QTGAL: variants seen among roughly 807,000 people sequenced by gnomAD.
QTGAL encodes BGnT-like protein 1.
the QTGAL span, among the ~76,000 whole-genome samples, chr17:83,034,548 C>G: frequency 6.6e-6 from 1 of 152,140 alleles, no homozygotes; most frequent in South Asian, 2.1e-4. Flanking sequence ...TGTCCCCACC[C>G]AAATCTCATC....
the QTGAL span, among the ~76,000 whole-genome samples, chr17:82,993,006 G>A: frequency 3.3e-5 from 5 of 151,950 alleles, no homozygotes; most frequent in African/African-American, 4.8e-5. Flanking sequence ...AAATCATATT[G>A]CCAGAGAAAA....
At chr17:82,995,037 C>G in the QTGAL span, among the ~76,000 whole-genome samples, 3 of 152,110 alleles carry the variant, frequency 2.0e-5, no homozygotes, top group Admixed American at 6.5e-5. Flanking sequence ...AGGAACATCC[C>G]TTAACATAAT....
chr17:83,009,986 T>C, the QTGAL span, among the ~76,000 whole-genome samples: 1 of 115,762 alleles, frequency 8.6e-6, no homozygotes, highest in Non-Finnish European at 1.8e-5. Context: ...AAGGGAGCTG[T>C]GGAGGCCCCT....
chr17:82,963,440 A>AG, the QTGAL span, among the ~76,000 whole-genome samples: 1 of 152,332 alleles, frequency 6.6e-6, no homozygotes, highest in African/African-American at 2.4e-5. Flanking sequence ...CAGGGACATG[A>AG]AGTCCAGCAG....
the QTGAL span, among the ~76,000 whole-genome samples, chr17:83,020,595 G>A: frequency 6.6e-6 from 1 of 152,232 alleles, no homozygotes; most frequent in Non-Finnish European, 1.5e-5. Flanking sequence ...TGGGGCCTTG[G>A]GGCCCAGCTC....
At chr17:82,961,266 G>A in the QTGAL span, 12 of 1,510,306 alleles carry the variant, frequency 7.9e-6, no homozygotes, top group Admixed American at 6.1e-5. Context: ...GCGCTCAGCC[G>A]GCCAACCAGG....
the QTGAL span, among the ~76,000 whole-genome samples, chr17:82,960,805 G>A: frequency 6.6e-6 from 1 of 152,238 alleles, no homozygotes; most frequent in Non-Finnish European, 1.5e-5. Flanking sequence ...TTTTACCTCT[G>A]GGAACTAGGG....
chr17:83,043,715 G>C, the QTGAL span, among the ~76,000 whole-genome samples: 1 of 152,152 alleles, frequency 6.6e-6, no homozygotes, highest in African/African-American at 2.4e-5. Context: ...TCAACAAAAA[G>C]AGTTGATTCT....
chr17:83,017,726 C>T, the QTGAL span, among the ~76,000 whole-genome samples: 2 of 152,362 alleles, frequency 1.3e-5, no homozygotes, highest in South Asian at 4.1e-4. Context: ...TCATGACACA[C>T]GGTGTGCCTG....
chr17:83,048,452 A>G, the QTGAL span: 5 of 1,573,200 alleles, frequency 3.2e-6, no homozygotes, highest in Non-Finnish European at 3.5e-6. Context: ...AGTTTAATAA[A>G]CTAAGCATGT....
the QTGAL span, chr17:82,961,044 G>A: frequency 5.8e-5 from 93 of 1,603,846 alleles, 1 homozygote; most frequent in African/African-American, 4.3e-4. Flanking sequence ...GGGGCCGGGC[G>A]GGGCTGACTC....
the QTGAL span, among the ~76,000 whole-genome samples, chr17:82,997,391 C>A: frequency 6.6e-6 from 1 of 152,080 alleles, no homozygotes; most frequent in African/African-American, 2.4e-5. Flanking sequence ...ATAACAAATG[C>A]TGGTGAAGAT....
chr17:82,983,172 C>T, the QTGAL span, among the ~76,000 whole-genome samples: 5 of 152,018 alleles, frequency 3.3e-5, no homozygotes, highest in East Asian at 3.9e-4. Context: ...CCCAGCTACT[C>T]GGGAGGCTGG....
At chr17:83,010,695 G>A in the QTGAL span, among the ~76,000 whole-genome samples, 8 of 152,236 alleles carry the variant, frequency 5.3e-5, no homozygotes, top group Non-Finnish European at 1.2e-4. Context: ...AAGTTAACAC[G>A]CAGCTTCTTG....
chr17:83,028,606 C>T, the QTGAL span, among the ~76,000 whole-genome samples: 3 of 151,858 alleles, frequency 2.0e-5, no homozygotes, highest in African/African-American at 4.8e-5. Flanking sequence ...GTGAGACACA[C>T]ATCAGAGCTA....
chr17:83,012,007 T>G, the QTGAL span, among the ~76,000 whole-genome samples: 2 of 118,512 alleles, frequency 1.7e-5, no homozygotes, highest in African/African-American at 6.8e-5. Context: ...TATCCATAAG[T>G]CTCCCAGCTC....
chr17:83,024,017 C>G, the QTGAL span, among the ~76,000 whole-genome samples: 6 of 152,348 alleles, frequency 3.9e-5, no homozygotes, highest in East Asian at 1.2e-3. Flanking sequence ...GACCGTGTGT[C>G]TCTAACACCG....
At chr17:83,033,665 G>A in the QTGAL span, among the ~76,000 whole-genome samples, 2 of 151,926 alleles carry the variant, frequency 1.3e-5, no homozygotes, top group East Asian at 2.0e-4. Flanking sequence ...TAGAGACGGG[G>A]TTTCACCGTG....
chr17:82,965,854 G>A, the QTGAL span: 1 of 1,177,642 alleles, frequency 8.5e-7, no homozygotes, highest in Non-Finnish European at 1.2e-6. Context: ...ATGAATCCGT[G>A]TCCCTTCTCC....
Sources: allele counts gnomAD v4.1 joint callset (sites outside exome capture counted in the v4.1 genomes callset), GRCh38; gene constraint gnomAD v4.1.1; transcripts MANE v1.5; gene names NCBI Gene and HGNC (gene_info 2026-07-23, HGNC 2026-07-21).